Variants in SEMA3A observed in about 807,000 individuals in gnomAD.
The protein encoded by SEMA3A is semaphorin 3A.
A neutral mutation model predicts 97.9 loss-of-function variants in SEMA3A; 29 were observed. That is an observed-to-expected ratio of 0.30 (90% CI 0.22 to 0.40). The LOEUF (loss-of-function observed/expected upper bound fraction) is 0.40. SEMA3A is among the 10% of genes least tolerant of loss of function. The pLI, the probability that SEMA3A is intolerant of heterozygous loss-of-function variation, is 1.00. For missense variants in SEMA3A, 763 were observed against 951.3 expected, an observed-to-expected ratio of 0.80 and a Z score of 2.60; for synonymous variants, 321 against 323.7, an observed-to-expected ratio of 0.99 and a Z score of 0.09.
intron 6 of SEMA3A, among the ~76,000 whole-genome samples, chr7:84,035,704 T>C (rs1309807937): frequency 1.3e-5 from 2 of 152,008 alleles, no homozygotes; most frequent in African/African-American, 4.8e-5. Context: ...GTGATGATAG[T>C]CCAGGGTGTC....
chr7:84,065,759 G>A (rs1029538373), intron 4 of SEMA3A, among the ~76,000 whole-genome samples: 1 of 152,136 alleles, frequency 6.6e-6, no homozygotes, highest in African/African-American at 2.4e-5. Flanking sequence ...AACAGGGTCT[G>A]AAATTGTGAC....
chr7:84,361,541 A>G (rs1301912182), intron 2 of SEMA3A, among the ~76,000 whole-genome samples: 1 of 152,044 alleles, frequency 6.6e-6, no homozygotes, highest in Admixed American at 6.6e-5. Context: ...TTTTCTAAAT[A>G]TAAAGCAATA....
intron 1 of SEMA3A, among the ~76,000 whole-genome samples, chr7:84,488,557 CTGTT>C (rs1397502825): frequency 2.0e-5 from 3 of 152,068 alleles, no homozygotes; most frequent in Middle Eastern, 3.4e-3. Context: ...AGAGTGATCT[CTGTT>C]TGTCAGTCAG....
chr7:83,996,038 C>G (rs1039692992), intron 12 of SEMA3A, among the ~76,000 whole-genome samples: 1 of 152,132 alleles, frequency 6.6e-6, no homozygotes, highest in African/African-American at 2.4e-5. Flanking sequence ...TCCTTACATT[C>G]AATAGAACTA....
chr7:84,403,202 A>G (rs1401912430), intron 1 of SEMA3A, among the ~76,000 whole-genome samples: 1 of 152,184 alleles, frequency 6.6e-6, no homozygotes, highest in Non-Finnish European at 1.5e-5. Flanking sequence ...CCACCCTAAT[A>G]CTGCGCTTTT....
At chr7:84,047,687 C>T (rs574508953) in intron 5 of SEMA3A, among the ~76,000 whole-genome samples, 2 of 152,116 alleles carry the variant, frequency 1.3e-5, no homozygotes, top group Admixed American at 1.3e-4. Flanking sequence ...ATGACAACTA[C>T]AGTATATCTT....
intron 1 of SEMA3A, among the ~76,000 whole-genome samples, chr7:84,473,916 T>C (rs758117289): frequency 7.9e-5 from 12 of 152,126 alleles, no homozygotes; most frequent in Non-Finnish European, 1.5e-4. Flanking sequence ...TTCCATACCT[T>C]TATTGAGCAA....
intron 5 of SEMA3A, among the ~76,000 whole-genome samples, chr7:84,054,208 G>A (rs1306852680): frequency 2.6e-5 from 4 of 152,324 alleles, no homozygotes; most frequent in East Asian, 3.9e-4. Context: ...TGCTCTTCTC[G>A]AGGAGTATCT....
chr7:84,214,880 T>A (rs1287038519), intron 3 of SEMA3A, among the ~76,000 whole-genome samples: 1 of 151,094 alleles, frequency 6.6e-6, no homozygotes, highest in Non-Finnish European at 1.5e-5. Context: ...TTTGTATTTT[T>A]CATAGAGATG....
chr7:84,441,978 G>A (rs930637919), intron 1 of SEMA3A, among the ~76,000 whole-genome samples: 16 of 152,146 alleles, frequency 1.1e-4, no homozygotes, highest in Non-Finnish European at 1.5e-4. Flanking sequence ...ACCAACAGAC[G>A]TGCTCTGCAA....
At chr7:84,475,449 G>A (rs552587765) in intron 1 of SEMA3A, among the ~76,000 whole-genome samples, 46 of 152,266 alleles carry the variant, frequency 3.0e-4, no homozygotes, top group African/African-American at 1.1e-3. Flanking sequence ...TAACATTTGA[G>A]AAAATCTCAA....
chr7:84,028,857 G>GA (rs1477007587), intron 6 of SEMA3A, among the ~76,000 whole-genome samples: 1 of 152,134 alleles, frequency 6.6e-6, no homozygotes, highest in Non-Finnish European at 1.5e-5. Context: ...CTGACCTCGT[G>GA]ATCTGCCCGC....
At chr7:84,142,701 T>C (rs1200696602) in intron 1 of SEMA3A, among the ~76,000 whole-genome samples, 2 of 152,222 alleles carry the variant, frequency 1.3e-5, no homozygotes, top group Non-Finnish European at 2.9e-5. Flanking sequence ...CAGTAATAAC[T>C]TGGTGGCTAA....
chr7:84,198,001 T>C (rs1798275368), upstream of SEMA3A, among the ~76,000 whole-genome samples: 1 of 151,904 alleles, frequency 6.6e-6, no homozygotes, highest in Non-Finnish European at 1.5e-5. Flanking sequence ...CCGCCTCCCA[T>C]AGTGGTAGGA....
intron 1 of SEMA3A, among the ~76,000 whole-genome samples, chr7:84,136,605 C>A (rs148029600): frequency 6.6e-6 from 1 of 152,118 alleles, no homozygotes; most frequent in Non-Finnish European, 1.5e-5. Flanking sequence ...CTTCCTGTTA[C>A]ATTTTGCTTG....
At chr7:84,137,627 T>A (rs1262762478) in intron 1 of SEMA3A, among the ~76,000 whole-genome samples, 4 of 149,628 alleles carry the variant, frequency 2.7e-5, no homozygotes, top group Non-Finnish European at 4.4e-5. Context: ...ATGGATACCC[T>A]TCATCCTTAC....
At chr7:84,302,876 T>C (rs548237599) in intron 3 of SEMA3A, among the ~76,000 whole-genome samples, 1 of 152,268 alleles carries the variant, frequency 6.6e-6, no homozygotes, top group African/African-American at 2.4e-5. Flanking sequence ...AATTTCTTAA[T>C]GTAAACACTG....
At chr7:84,063,340 G>T (rs1326882995) in intron 4 of SEMA3A, among the ~76,000 whole-genome samples, 1 of 150,252 alleles carries the variant, frequency 6.7e-6, no homozygotes, top group Non-Finnish European at 1.5e-5. Flanking sequence ...AGAAAAACTG[G>T]AAACTCTAAA....
chr7:84,208,912 A>C (rs1423950749), intron 3 of SEMA3A, among the ~76,000 whole-genome samples: 1 of 152,244 alleles, frequency 6.6e-6, no homozygotes, highest in African/African-American at 2.4e-5. Flanking sequence ...TCTCATTACC[A>C]GCATTGGATA....
Sources: gnomAD v4.1 joint callset for allele counts (sites outside exome capture counted in the v4.1 genomes callset) on GRCh38, gnomAD v4.1.1 for gene constraint, MANE v1.5 for transcripts, NCBI Gene and HGNC (gene_info 2026-07-23, HGNC 2026-07-21) for gene names.